The following DNAJC3 variants were observed in gnomAD, a reference collection of about 807,000 sequenced individuals.
The protein encoded by DNAJC3 is DnaJ heat shock protein family (Hsp40) member C3.
Under a neutral mutation model 68.6 loss-of-function variants are expected in DNAJC3, and 38 were observed. That is an observed-to-expected ratio of 0.55 (90% CI 0.43 to 0.73). The LOEUF (loss-of-function observed/expected upper bound fraction) is 0.73. Ranked by LOEUF, DNAJC3 falls within the 30% of genes least tolerant of loss-of-function variation. DNAJC3 has a pLI of 0.00. For synonymous variants in DNAJC3, 203 were observed against 204.0 expected (o/e 1.00, Z 0.04); for missense variants, 526 against 591.9 (o/e 0.89, Z 1.16).
At chr13:95,699,428 A>G (rs1021704924) in intron 1 of DNAJC3, among the ~76,000 whole-genome samples, 6 of 152,194 alleles carry the variant, frequency 3.9e-5, no homozygotes, top group African/African-American at 1.4e-4. Context: ...AATTTTGCAC[A>G]TGTGTTCTTG....
intron 1 of DNAJC3, among the ~76,000 whole-genome samples, chr13:95,707,810 A>C (rs1456808836): frequency 6.6e-6 from 1 of 152,200 alleles, no homozygotes; most frequent in Non-Finnish European, 1.5e-5. Context: ...CCCCTCTACC[A>C]GGCTGGGGTT....
At chr13:95,709,935 G>A (rs1457669937) in intron 2 of DNAJC3, among the ~76,000 whole-genome samples, 5 of 152,098 alleles carry the variant, frequency 3.3e-5, no homozygotes, top group Admixed American at 6.5e-5. Flanking sequence ...CACTGCGCCC[G>A]GCCAGCTTCT....
In DNAJC3 at chr13:95,690,911, C is replaced by T. The variant is rs1230319952; in HGVS notation, c.82+13574C>T. On this transcript the variant is annotated intron_variant, in intron 1 of 11. Transcript: ENST00000602402. ...TTCCCAGACGGGGCGGCTGGCCGGGCGGGGGGCTGACCCCCCCCACCTCCC... is the reference window on the plus strand; with the variant it reads ...TTCCCAGACGGGGCGGCTGGCCGGGTGGGGGGCTGACCCCCCCCACCTCCC... Among the ~76,000 whole-genome samples, 281 of 123,306 alleles carry T rather than the reference C, an allele frequency of 2.3e-3. 2 individuals carry two copies. The highest frequency in any genetic ancestry group is 7.9e-3 in the African/African-American group (249 of 31,506). 80.9% of individuals were successfully genotyped at this position (123,306 alleles called of 152,430 possible). A position where few individuals can be genotyped will look rare whatever the true frequency, so the allele number is the denominator to read the frequency against.
chr13:95,740,505 A>G (rs1030574768), intron 4 of DNAJC3, among the ~76,000 whole-genome samples: 1 of 152,022 alleles, frequency 6.6e-6, no homozygotes, highest in Non-Finnish European at 1.5e-5. Flanking sequence ...GCCGGATATA[A>G]TCTCGTGGTG....
chr13:95,715,380 A>T (rs186689878), intron 2 of DNAJC3, among the ~76,000 whole-genome samples: 3 of 152,314 alleles, frequency 2.0e-5, no homozygotes, highest in African/African-American at 7.2e-5. Flanking sequence ...TGGCCTGGAC[A>T]ACAGAGTGAA....
At chr13:95,780,162 C>T (rs986687959) in intron 9 of DNAJC3, among the ~76,000 whole-genome samples, 6 of 152,212 alleles carry the variant, frequency 3.9e-5, no homozygotes, top group African/African-American at 1.4e-4. Context: ...TACTTCTCTG[C>T]ACCAAACCAT....
intron 2 of DNAJC3, among the ~76,000 whole-genome samples, chr13:95,716,768 TCTC>T (rs1009393995): frequency 6.6e-6 from 1 of 152,124 alleles, no homozygotes; most frequent in African/African-American, 2.4e-5. Context: ...ATGCTCTTCT[TCTC>T]CTCTAGACAT....
intron 1 of DNAJC3, among the ~76,000 whole-genome samples, chr13:95,689,630 C>T (rs1428936643): frequency 9.3e-5 from 14 of 151,282 alleles, no homozygotes; most frequent in African/African-American, 3.2e-4. Context: ...TTCTTTTCTC[C>T]CAGCTAGTTT....
At chr13:95,697,087 G>A (rs1880462002) in intron 1 of DNAJC3, among the ~76,000 whole-genome samples, 1 of 152,132 alleles carries the variant, frequency 6.6e-6, no homozygotes, top group South Asian at 2.1e-4. Context: ...TTGCCTTGGA[G>A]TCACAATTGA....
intron 9 of DNAJC3, among the ~76,000 whole-genome samples, chr13:95,779,397 T>C (rs1453888544): frequency 6.6e-6 from 1 of 152,216 alleles, no homozygotes; most frequent in Non-Finnish European, 1.5e-5. Flanking sequence ...GTGCTGGGAT[T>C]ACAGGCATGA....
intron 1 of DNAJC3, among the ~76,000 whole-genome samples, chr13:95,689,768 G>T (rs9561930): frequency 0.6 from 91,442 of 151,860 alleles, 28,659 homozygotes; most frequent in African/African-American, 0.79. Context: ...CAGCTTTTGT[G>T]GTATCCCAGA....
rs138914730 is a variant in DNAJC3 at position 95,746,780 on chromosome 13, T to C, written c.394-10864T>C. 5.8e-3 allele frequency among the ~76,000 whole-genome samples: 876 copies of C among 152,310 alleles called. 10 individuals carry two copies. Among genetic ancestry groups the C allele is most frequent in the Admixed American group, 9.5e-3 (145 of 15,304 alleles). On this transcript the variant is annotated intron_variant, in intron 4 of 11. Coordinates refer to ENST00000602402, the MANE Select transcript of DNAJC3 (RefSeq NM_006260.5). Reference sequence around the variant, plus strand: ...CAGGTGGATATGTTTAGCTACATTTTATATAAAAGAACAAAAATTTGAATA... The same window carrying C: ...CAGGTGGATATGTTTAGCTACATTTCATATAAAAGAACAAAAATTTGAATA...
intron 4 of DNAJC3, among the ~76,000 whole-genome samples, chr13:95,740,736 G>A (rs1172127173): frequency 2.0e-5 from 3 of 152,226 alleles, no homozygotes; most frequent in East Asian, 1.9e-4. Context: ...AGATGAACCC[G>A]GTACCTCAGA....
chr13:95,699,141 T>G (rs935014667), intron 1 of DNAJC3, among the ~76,000 whole-genome samples: 1 of 152,208 alleles, frequency 6.6e-6, no homozygotes, highest in African/African-American at 2.4e-5. Flanking sequence ...AGTTCTGTTA[T>G]GGAAATGTGA....
At chr13:95,691,205 C>T (rs1221714140) in intron 1 of DNAJC3, among the ~76,000 whole-genome samples, 3 of 151,768 alleles carry the variant, frequency 2.0e-5, no homozygotes, top group Non-Finnish European at 4.4e-5. Context: ...GACCCCCCCA[C>T]CTCCCTCCCG....
At chr13:95,762,202 C>T (rs759665819) in intron 7 of DNAJC3, among the ~76,000 whole-genome samples, 4 of 152,042 alleles carry the variant, frequency 2.6e-5, no homozygotes, top group East Asian at 1.9e-4. Flanking sequence ...GTTGAGGTTG[C>T]GGTGAGCCGA....
At chr13:95,685,380 G>C (rs1417124228) in intron 1 of DNAJC3, among the ~76,000 whole-genome samples, 2 of 152,170 alleles carry the variant, frequency 1.3e-5, no homozygotes, top group Non-Finnish European at 2.9e-5. Flanking sequence ...TTTTGGAATG[G>C]GACTATTTAC....
At position 95,714,357 on chromosome 13, in the gene DNAJC3, C is replaced by T. The variant is rs1052825004; in HGVS notation, c.193+5020C>T. Among the ~76,000 whole-genome samples, 3 of 150,678 alleles carry T rather than the reference C, an allele frequency of 2.0e-5. No individual in the cohort carries two copies. In the East Asian group the frequency reaches 5.8e-4, roughly 29 times the overall value. On this transcript the variant is annotated intron_variant, in intron 2 of 11. Transcript: ENST00000602402. Reference sequence around the variant, plus strand: ...CTATGATTGTGTCACCACACTCCAGCCTGGGCAATGGAGTGAGACTCTGTC... The same window carrying T: ...CTATGATTGTGTCACCACACTCCAGTCTGGGCAATGGAGTGAGACTCTGTC...
chr13:95,736,447 C>A (rs1273429589), intron 4 of DNAJC3, among the ~76,000 whole-genome samples: 1 of 147,502 alleles, frequency 6.8e-6, no homozygotes, highest in Non-Finnish European at 1.5e-5. Flanking sequence ...ATTCTTCCTA[C>A]CCATGAGCAT....
Sources: gnomAD v4.1 joint callset for allele counts (sites outside exome capture counted in the v4.1 genomes callset) on GRCh38, gnomAD v4.1.1 for gene constraint, MANE v1.5 for transcripts, NCBI Gene and HGNC (gene_info 2026-07-23, HGNC 2026-07-21) for gene names.